Variants in DNAH11 observed in about 807,000 individuals in gnomAD.
DNAH11 encodes the protein dynein axonemal heavy chain 11.
DNAH11 carries 442 observed loss-of-function variants against 526.0 expected under a neutral mutation model. That is an observed-to-expected ratio of 0.84 (90% CI 0.78 to 0.91). The LOEUF is 0.91. DNAH11 is among the 40% of genes least tolerant of loss of function. DNAH11 has a pLI of 0.00. For synonymous variants in DNAH11, 2,461 were observed against 1,935.9 expected (o/e 1.27, Z -7.12); for missense variants, 6,989 against 5,448.7 (o/e 1.28, Z -8.90).
intron 71 of DNAH11, among the ~76,000 whole-genome samples, chr7:21,867,176 C>G (rs1009973893): frequency 6.6e-6 from 1 of 152,216 alleles, no homozygotes; most frequent in African/African-American, 2.4e-5. Context: ...CTCTTGGCTT[C>G]TAAATGGTAA....
intron 62 of DNAH11, among the ~76,000 whole-genome samples, chr7:21,806,935 T>A (rs1372060471): frequency 6.6e-6 from 1 of 152,182 alleles, no homozygotes; most frequent in Admixed American, 6.5e-5. Flanking sequence ...CCTTTTTATA[T>A]AGGTCATAGC....
At chr7:21,898,019 T>C (rs1318195801) in intron 79 of DNAH11, among the ~76,000 whole-genome samples, 1 of 152,206 alleles carries the variant, frequency 6.6e-6, no homozygotes, top group Non-Finnish European at 1.5e-5. Context: ...TTGCTTTCAT[T>C]TCTATAATTT....
chr7:21,873,884 G>A (rs932708890), intron 74 of DNAH11, among the ~76,000 whole-genome samples: 2 of 126,362 alleles, frequency 1.6e-5, no homozygotes, highest in Non-Finnish European at 3.1e-5. Context: ...TCCACCTCCC[G>A]GGTTCAAGCA....
At chr7:21,855,181 G>A (rs371202065) in intron 68 of DNAH11, among the ~76,000 whole-genome samples, 1 of 151,848 alleles carries the variant, frequency 6.6e-6, no homozygotes, top group African/African-American at 2.4e-5. Context: ...ACAGGTGTCC[G>A]CCACCACACC....
Position 21,816,721 on chromosome 7 carries a change from G to C in DNAH11, c.10568+19G>C. 1.2e-6 allele frequency: 2 copies of C among 1,606,040 alleles called. No individual in the cohort carries two copies. The highest frequency in any genetic ancestry group is 1.7e-6 in the Non-Finnish European group (2 of 1,174,118). ...AGAAAGGGTATGTGAAGTTTGAAGA[G>C]ACTGGCTTTCTGTTTACCTGCTGTG... On this transcript the variant is annotated intron_variant, in intron 64 of 81. Coordinates refer to ENST00000409508, the MANE Select transcript of DNAH11 (RefSeq NM_001277115.2).
chr7:21,790,081 A>ATGGCGTGAACCCAGGAAGTGGAG (rs1380711190), intron 61 of DNAH11, among the ~76,000 whole-genome samples: 1 of 151,748 alleles, frequency 6.6e-6, no homozygotes, highest in East Asian at 1.9e-4. Flanking sequence ...CTTAGGTAGA[A>ATGGCGTGAACCCAGGAAGTGGAG]CTGTGGGGAT....
chr7:21,833,781 G>C (rs1781883548), intron 65 of DNAH11, among the ~76,000 whole-genome samples: 1 of 152,110 alleles, frequency 6.6e-6, no homozygotes. Context: ...TTTTATTGTA[G>C]AGATGCAAAT....
intron 73 of DNAH11, among the ~76,000 whole-genome samples, chr7:21,872,818 A>G (rs573001075): frequency 6.6e-5 from 10 of 152,316 alleles, no homozygotes; most frequent in African/African-American, 2.2e-4. Context: ...TATGAGTAGG[A>G]GTTTGAGTAG....
intron 79 of DNAH11, among the ~76,000 whole-genome samples, chr7:21,898,727 C>G (rs973050906): frequency 3.3e-5 from 5 of 152,146 alleles, no homozygotes; most frequent in Non-Finnish European, 5.9e-5. Context: ...TGTGAGGAGC[C>G]GAGAAGAGAA....
chr7:21,900,928 T>G, intron 81 of DNAH11, 79 bp from the exon 82 acceptor site: 1 of 1,401,800 alleles, frequency 7.1e-7, no homozygotes, highest in South Asian at 1.5e-5. Flanking sequence ...TGAATGTTTA[T>G]TGCATCAAAC....
chr7:21,566,291 G>C (rs1403168448), intron 6 of DNAH11, among the ~76,000 whole-genome samples: 1 of 152,062 alleles, frequency 6.6e-6, no homozygotes, highest in Non-Finnish European at 1.5e-5. Flanking sequence ...TTGTTCCTTA[G>C]TTCTGGCTTC....
At chr7:21,872,146 A>AC (rs1455681145) in intron 73 of DNAH11, among the ~76,000 whole-genome samples, 2 of 147,890 alleles carry the variant, frequency 1.4e-5, no homozygotes, top group African/African-American at 4.9e-5. Flanking sequence ...AAAAAAAAAA[A>AC]AAACCTTCAT....
intron 14 of DNAH11, among the ~76,000 whole-genome samples, chr7:21,592,368 A>G (rs916051661): frequency 1.3e-5 from 2 of 152,222 alleles, no homozygotes; most frequent in African/African-American, 4.8e-5. Context: ...GGAGAAGAAC[A>G]TTCTGGAGAG....
chr7:21,623,204 A>T (rs202050797), intron 25 of DNAH11, among the ~76,000 whole-genome samples: 3,726 of 152,356 alleles, frequency 0.024, 115 homozygotes, highest in South Asian at 0.081. Flanking sequence ...ACCAAAAAAC[A>T]CATGAAAAAG....
rs775042712 is a variant in DNAH11, at chr7:21,892,625, T to C, written c.12708T>C (p.Asn4236=). 2 of 1,612,830 alleles carry C rather than the reference T, an allele frequency of 1.2e-6. No homozygotes were observed. The highest frequency in any genetic ancestry group is 8.5e-7 in the Non-Finnish European group (1 of 1,179,186). The part of the protein sequence containing the change: ...FRTLLEMQPR[N]ALSGDELGQS... ...CTTTGCTGGAGATGCAGCCCAGGAA[T>C]GCACTCAGTGGTGATGAACTGGGGC... Residue 4236 remains asparagine, a synonymous_variant, in exon 77 of 82, where the codon AAT becomes AAC. Coordinates refer to ENST00000409508, the MANE Select transcript of DNAH11 (RefSeq NM_001277115.2).
chr7:21,765,363 T>C (rs897839379), intron 54 of DNAH11, 65 bp from the exon 55 acceptor site: 5 of 1,605,212 alleles, frequency 3.1e-6, no homozygotes, highest in African/African-American at 2.7e-5. Flanking sequence ...TTGTCTAAGA[T>C]TGCAATGTAA....
chr7:21,866,611 A>G lies in DNAH11; in HGVS notation c.11638A>G (p.Lys3880Glu). 1 of 1,613,830 alleles carries G rather than the reference A, an allele frequency of 6.2e-7. No homozygotes were observed. The change falls in exon 71 of 82, where the codon AAG (lysine) becomes GAG (glutamate). Residue 3880 changes from lysine (K) to glutamate (E), a missense_variant. Lys to Glu is a moderately conservative substitution (Grantham distance 56, BLOSUM62 1). Transcript: ENST00000409508. ...ATGGAAGAAGAAAAGTTTAATACAG[A>G]AGCTGATTCTTCTGAGAGCAATGCG... ...QEWKKKSLIQ[K>E]LILLRAMRPD...
intron 23 of DNAH11, chr7:21,618,527 G>C (rs1024076743): frequency 2.6e-5 from 4 of 156,342 alleles, no homozygotes; most frequent in Non-Finnish European, 4.2e-5. Flanking sequence ...GAGGGAAGGA[G>C]AGTCAATGTG....
At chr7:21,684,931 A>G (rs936065768) in intron 32 of DNAH11, among the ~76,000 whole-genome samples, 5 of 152,244 alleles carry the variant, frequency 3.3e-5, no homozygotes, top group African/African-American at 9.6e-5. Flanking sequence ...TCATAGCTGC[A>G]TGCCCAATTA....
Sources: allele counts gnomAD v4.1 joint callset (sites outside exome capture counted in the v4.1 genomes callset), GRCh38; gene constraint gnomAD v4.1.1; transcripts MANE v1.5; gene names NCBI Gene and HGNC (gene_info 2026-07-23, HGNC 2026-07-21).